The following MAGI2 variants were observed in gnomAD, a reference collection of about 807,000 sequenced individuals.
The protein encoded by MAGI2 is membrane-associated guanylate kinase, WW and PDZ domain-containing protein 2.
A neutral mutation model predicts 133.3 loss-of-function variants in MAGI2; 35 were observed. The ratio of observed to expected loss-of-function variants is 0.26; its 90% CI spans 0.20 to 0.35. MAGI2 has a LOEUF of 0.35. MAGI2 is among the 10% of genes least tolerant of loss of function. MAGI2 has a pLI of 1.00. For missense variants in MAGI2, 1,636 were observed against 1,863.4 expected, an observed-to-expected ratio of 0.88 and a Z score of 2.25; for synonymous variants, 729 against 710.6, an observed-to-expected ratio of 1.03 and a Z score of -0.41.
intron 1 of MAGI2, among the ~76,000 whole-genome samples, chr7:79,401,662 A>T (rs1474436996): frequency 6.6e-6 from 1 of 152,170 alleles, no homozygotes; most frequent in Admixed American, 6.6e-5. Flanking sequence ...AATGATTACT[A>T]TATTGGTACT....
intron 2 of MAGI2, among the ~76,000 whole-genome samples, chr7:78,660,344 T>G (rs1812812266): frequency 6.6e-6 from 1 of 152,172 alleles, no homozygotes; most frequent in South Asian, 2.1e-4. Context: ...ATGCCAATGT[T>G]AACTTTTCTT....
chr7:78,208,948 C>T (rs1488445285), intron 10 of MAGI2, among the ~76,000 whole-genome samples: 7 of 151,744 alleles, frequency 4.6e-5, no homozygotes, highest in South Asian at 4.2e-4. Flanking sequence ...CCTGGCCGGG[C>T]GCGGTGGCTC....
chr7:78,740,012 T>G (rs1342308173), intron 2 of MAGI2, among the ~76,000 whole-genome samples: 1 of 151,918 alleles, frequency 6.6e-6, no homozygotes, highest in East Asian at 1.9e-4. Context: ...ATACAAAAAA[T>G]TAGCTGGGCG....
chr7:78,416,635 G>C (rs961450673), intron 6 of MAGI2, among the ~76,000 whole-genome samples: 1 of 152,124 alleles, frequency 6.6e-6, no homozygotes, highest in Non-Finnish European at 1.5e-5. Context: ...TTGAATGTCT[G>C]TGTCCCTCCA....
chr7:78,244,442 TAAAC>T (rs1031031627), intron 10 of MAGI2, among the ~76,000 whole-genome samples: 3 of 151,720 alleles, frequency 2.0e-5, no homozygotes, highest in Admixed American at 1.3e-4. Flanking sequence ...CAAACCAAAT[TAAAC>T]AAAAAACAAA....
intron 4 of MAGI2, among the ~76,000 whole-genome samples, chr7:78,520,071 T>C (rs931408028): frequency 6.6e-6 from 1 of 152,230 alleles, no homozygotes; most frequent in Admixed American, 6.5e-5. Context: ...GGAGACAAGT[T>C]ACATTACTTA....
At chr7:78,494,252 T>G (rs1793891416) in intron 5 of MAGI2, among the ~76,000 whole-genome samples, 1 of 152,142 alleles carries the variant, frequency 6.6e-6, no homozygotes, top group South Asian at 2.1e-4. Flanking sequence ...CCACCGTGCC[T>G]GGCCCTGAAT....
intron 10 of MAGI2, among the ~76,000 whole-genome samples, chr7:78,243,479 C>T (rs533826975): frequency 5.3e-5 from 8 of 152,092 alleles, no homozygotes; most frequent in Non-Finnish European, 1.2e-4. Flanking sequence ...GTTTAAAAAT[C>T]GTGGTACAGT....
At chr7:78,420,551 A>ATTT (rs11404417) in intron 6 of MAGI2, among the ~76,000 whole-genome samples, 1 of 148,670 alleles carries the variant, frequency 6.7e-6, no homozygotes, top group South Asian at 2.1e-4. Context: ...TTGAAATGAG[A>ATTT]TTTTTTTTTT....
chr7:78,527,545 G>T (rs1262550408), intron 3 of MAGI2, among the ~76,000 whole-genome samples: 1 of 152,206 alleles, frequency 6.6e-6, no homozygotes, highest in South Asian at 2.1e-4. Context: ...AATGATAATA[G>T]ATATCAAAAT....
intron 6 of MAGI2, among the ~76,000 whole-genome samples, chr7:78,382,191 C>T (rs1036776119): frequency 2.0e-4 from 7 of 34,176 alleles, no homozygotes; most frequent in East Asian, 1.2e-3. Context: ...TTCAAATGTT[C>T]GTTTTTTTTA....
At chr7:78,932,294 C>A (rs916012786) in intron 2 of MAGI2, among the ~76,000 whole-genome samples, 1 of 151,996 alleles carries the variant, frequency 6.6e-6, no homozygotes, top group Non-Finnish European at 1.5e-5. Flanking sequence ...CCTGCAGATA[C>A]CCCTGCGGGT....
intron 1 of MAGI2, among the ~76,000 whole-genome samples, chr7:79,265,627 T>C (rs539243623): frequency 1.3e-5 from 2 of 152,166 alleles, no homozygotes; most frequent in Non-Finnish European, 2.9e-5. Flanking sequence ...AACTATAGTC[T>C]TGAATGTTAC....
At chr7:78,444,293 A>C (rs1584150018) in intron 6 of MAGI2, among the ~76,000 whole-genome samples, 1 of 152,216 alleles carries the variant, frequency 6.6e-6, no homozygotes, top group Non-Finnish European at 1.5e-5. Flanking sequence ...GTGAAAACTA[A>C]AACTTATGGA....
intron 2 of MAGI2, among the ~76,000 whole-genome samples, chr7:78,778,255 A>C (rs146206155): frequency 1.2e-4 from 18 of 152,132 alleles, no homozygotes; most frequent in African/African-American, 4.1e-4. Flanking sequence ...ACCTGGACAA[A>C]ATTTTGAAGT....
At chr7:78,626,007 C>T (rs978703052) in intron 3 of MAGI2, among the ~76,000 whole-genome samples, 5 of 152,120 alleles carry the variant, frequency 3.3e-5, no homozygotes, top group Non-Finnish European at 7.4e-5. Context: ...TTAAGAGACA[C>T]ATGACTATAA....
chr7:79,414,943 C>G (rs1326867116), intron 1 of MAGI2: 1 of 152,038 alleles, frequency 6.6e-6, no homozygotes, highest in African/African-American at 2.4e-5. Flanking sequence ...AAGGGAGGGA[C>G]TATACTACAT....
At chr7:78,797,214 G>A (rs747920790) in intron 2 of MAGI2, among the ~76,000 whole-genome samples, 22 of 152,060 alleles carry the variant, frequency 1.4e-4, no homozygotes, top group Non-Finnish European at 2.1e-4. Flanking sequence ...ATTCAATATC[G>A]TAGACATGTA....
intron 3 of MAGI2, among the ~76,000 whole-genome samples, chr7:78,573,193 T>TATATATATATAA (rs1157818624): frequency 2.3e-5 from 2 of 85,456 alleles, no homozygotes; most frequent in Non-Finnish European, 4.2e-5. Flanking sequence ...AACTTTTATA[T>TATATATATATAA]ATATATATAT....
Sources: gnomAD v4.1 joint callset for allele counts (sites outside exome capture counted in the v4.1 genomes callset) on GRCh38, gnomAD v4.1.1 for gene constraint, MANE v1.5 for transcripts, NCBI Gene and HGNC (gene_info 2026-07-23, HGNC 2026-07-21) for gene names.